MCC: variants seen among roughly 807,000 people sequenced by gnomAD.
MCC encodes colorectal mutant cancer protein.
Under a neutral mutation model 116.2 loss-of-function variants are expected in MCC, and 90 were observed. That is an observed-to-expected ratio of 0.77 (90% CI 0.65 to 0.92). The LOEUF is 0.92. Among genes scored for constraint, MCC ranks in the 40% least tolerant of loss-of-function variants. The probability of loss-of-function intolerance (pLI) is 0.00; values close to 1 mark genes in which losing one functional copy is unlikely to be tolerated. For synonymous variants in MCC, 578 were observed against 510.5 expected, an observed-to-expected ratio of 1.13 and a Z score of -1.78; for missense variants, 1,516 against 1,312.2, an observed-to-expected ratio of 1.16 and a Z score of -2.40.
At chr5:113,197,403 A>C (rs1344661452) in intron 3 of MCC, among the ~76,000 whole-genome samples, 1 of 152,166 alleles carries the variant, frequency 6.6e-6, no homozygotes, top group Non-Finnish European at 1.5e-5. Context: ...TTTTTTAGGC[A>C]GTGAAAAGGC....
intron 3 of MCC, among the ~76,000 whole-genome samples, chr5:113,200,519 T>G (rs534678950): frequency 6.6e-6 from 1 of 152,238 alleles, no homozygotes; most frequent in African/African-American, 2.4e-5. Context: ...ACACCAAGAC[T>G]ATCTGGTTCA....
At chr5:113,406,394 T>C (rs1769834939) in intron 1 of MCC, among the ~76,000 whole-genome samples, 1 of 152,222 alleles carries the variant, frequency 6.6e-6, no homozygotes, top group African/African-American at 2.4e-5. Context: ...ATAATAATTC[T>C]AGTCCCATTG....
At chr5:113,430,340 A>G (rs1028748697) in intron 1 of MCC, among the ~76,000 whole-genome samples, 1 of 152,230 alleles carries the variant, frequency 6.6e-6, no homozygotes, top group Admixed American at 6.5e-5. Flanking sequence ...AGCACTAGGT[A>G]AAGTTCTTCC....
At chr5:113,405,024 G>C (rs1392182878) in intron 1 of MCC, among the ~76,000 whole-genome samples, 2 of 152,158 alleles carry the variant, frequency 1.3e-5, no homozygotes, top group Non-Finnish European at 2.9e-5. Flanking sequence ...TAACCTTTTT[G>C]AACACATTTG....
intron 1 of MCC, among the ~76,000 whole-genome samples, chr5:113,393,958 A>G (rs901263231): frequency 6.6e-6 from 1 of 152,176 alleles, no homozygotes; most frequent in African/African-American, 2.4e-5. Flanking sequence ...CAGATAATCT[A>G]ATCTAAATCT....
intron 1 of MCC, among the ~76,000 whole-genome samples, chr5:113,439,413 C>T (rs1332535272): frequency 6.6e-6 from 1 of 152,174 alleles, no homozygotes; most frequent in Non-Finnish European, 1.5e-5. Flanking sequence ...AGGGAAATGG[C>T]ATTTGAACAA....
chr5:113,461,678 A>C (rs1771746800), intron 1 of MCC, among the ~76,000 whole-genome samples: 1 of 151,902 alleles, frequency 6.6e-6, no homozygotes, highest in African/African-American at 2.4e-5. Flanking sequence ...TTCTTAAAAA[A>C]ACTGTTTTAA....
chr5:113,024,422 C>CAGTT lies in MCC; in HGVS notation c.*2876_*2879dup, dbSNP rs1750383899. 1 of 152,180 alleles carries CAGTT rather than the reference C, an allele frequency of 6.6e-6. No homozygotes were observed. Among genetic ancestry groups the CAGTT allele is most frequent in the Admixed American group, 6.5e-5 (1 of 15,280 alleles). 9.4% of individuals were successfully genotyped at this position (152,180 alleles called of 1,614,324 possible). A position where few individuals can be genotyped will look rare whatever the true frequency, so the allele number is the denominator to read the frequency against. On this transcript the variant is annotated 3_prime_UTR_variant, in exon 19 of 19. Transcript: ENST00000408903. The stretch of plus-strand genomic sequence containing the variant: ...AAGTCTCTTTTGCTTGTGATTTGCA[C>CAGTT]AGTTGGTTTTGTTTGCCTCAGTCCA...
In MCC at chr5:113,034,486, G is replaced by A. The variant is rs1224386495; in HGVS notation, c.2757-5430C>T. Reference sequence around the variant, plus strand: ...ATTAGAGTCCAATTGAGGAGCTGCAGGAGTCATCGGGCGAGAGCCCAGTCT... The same window carrying A: ...ATTAGAGTCCAATTGAGGAGCTGCAAGAGTCATCGGGCGAGAGCCCAGTCT... On this transcript the variant is annotated intron_variant, in intron 17 of 18. Coordinates refer to ENST00000408903, the MANE Select transcript of MCC (RefSeq NM_001085377.2). Among the ~76,000 whole-genome samples the A allele has an allele frequency of 2.6e-5, 4 of 151,726 alleles. No individual in the cohort carries two copies. In the Admixed American group the frequency reaches 2.6e-4, roughly 10 times the overall value.
intron 1 of MCC, among the ~76,000 whole-genome samples, chr5:113,415,677 T>C (rs1303460912): frequency 6.6e-6 from 1 of 152,196 alleles, no homozygotes; most frequent in East Asian, 1.9e-4. Context: ...TCTAATCTTT[T>C]TTCAAGGCTT....
intron 3 of MCC, among the ~76,000 whole-genome samples, chr5:113,266,320 A>G (rs1765416205): frequency 6.6e-6 from 1 of 152,060 alleles, no homozygotes; most frequent in Admixed American, 6.6e-5. Flanking sequence ...TTCAGACTAG[A>G]TATTCACTCC....
chr5:113,113,651 CAA>C (rs11405354), intron 6 of MCC, among the ~76,000 whole-genome samples: 2,057 of 108,350 alleles, frequency 0.019, 35 homozygotes, highest in African/African-American at 0.071. Flanking sequence ...TATGTTCTTG[CAA>C]AAAAAAAAAA....
At chr5:113,286,579 T>C (rs760143359) in intron 3 of MCC, among the ~76,000 whole-genome samples, 2 of 152,230 alleles carry the variant, frequency 1.3e-5, no homozygotes, top group Non-Finnish European at 2.9e-5. Context: ...ACAAGGGATC[T>C]GCTCAAAATA....
intron 3 of MCC, among the ~76,000 whole-genome samples, chr5:113,225,012 T>C (rs918575224): frequency 6.6e-6 from 1 of 152,070 alleles, no homozygotes; most frequent in African/African-American, 2.4e-5. Context: ...CGGTTAAAAA[T>C]AAAAAGAAGC....
chr5:113,146,059 A>C (rs1408195330), intron 4 of MCC, among the ~76,000 whole-genome samples: 5 of 152,158 alleles, frequency 3.3e-5, no homozygotes, highest in Admixed American at 3.3e-4. Context: ...AGAGGAAAAA[A>C]ACCTCCTTTA....
chr5:113,360,077 G>A (rs1313921276), intron 2 of MCC, among the ~76,000 whole-genome samples: 1 of 152,078 alleles, frequency 6.6e-6, no homozygotes, highest in Non-Finnish European at 1.5e-5. Flanking sequence ...TCCCTGCCAT[G>A]AAAAGCATCA....
At chr5:113,305,318 T>C (rs1295659322) in intron 3 of MCC, among the ~76,000 whole-genome samples, 2 of 152,150 alleles carry the variant, frequency 1.3e-5, no homozygotes, top group East Asian at 3.8e-4. Context: ...TCTAAGCAAA[T>C]CCTTTCAAAT....
intron 3 of MCC, among the ~76,000 whole-genome samples, chr5:113,238,223 G>T (rs772704812): frequency 2.6e-5 from 4 of 152,072 alleles, no homozygotes; most frequent in Non-Finnish European, 4.4e-5. Flanking sequence ...TCAAACTGAT[G>T]AGCTTCTGGC....
intron 1 of MCC, among the ~76,000 whole-genome samples, chr5:113,482,049 C>T (rs896650086): frequency 1.3e-5 from 2 of 152,130 alleles, no homozygotes; most frequent in Non-Finnish European, 2.9e-5. Flanking sequence ...TTTCACTTAG[C>T]ATTAATGTTT....
Sources: allele counts gnomAD v4.1 joint callset (sites outside exome capture counted in the v4.1 genomes callset), GRCh38; gene constraint gnomAD v4.1.1; transcripts MANE v1.5; gene names NCBI Gene and HGNC (gene_info 2026-07-23, HGNC 2026-07-21).